GPM6A: variants seen among roughly 807,000 people sequenced by gnomAD.
The protein encoded by GPM6A is glycoprotein M6A.
GPM6A carries 7 observed loss-of-function variants against 32.1 expected under a neutral mutation model. The ratio of observed to expected loss-of-function variants is 0.22; its 90% confidence interval spans 0.12 to 0.41. The LOEUF is 0.41. Ranked by LOEUF, GPM6A falls within the 10% of genes least tolerant of loss-of-function variation. The probability of loss-of-function intolerance (pLI) is 1.00; values close to 1 mark genes in which losing one functional copy is unlikely to be tolerated. For synonymous variants in GPM6A, 130 were observed against 123.4 expected, an observed-to-expected ratio of 1.05 and a Z score of -0.35; for missense variants, 235 against 347.2, an observed-to-expected ratio of 0.68 and a Z score of 2.57.
chr4:175,858,927 T>C (rs535650219), intron 1 of GPM6A, among the ~76,000 whole-genome samples: 49 of 152,300 alleles, frequency 3.2e-4, no homozygotes, highest in African/African-American at 1.1e-3. Flanking sequence ...CACTACAATA[T>C]GATGACTCTT....
chr4:175,961,150 C>G (rs1740149506), intron 1 of GPM6A: 1 of 152,184 alleles, frequency 6.6e-6, no homozygotes, highest in African/African-American at 2.4e-5. Context: ...ATCTGGTTAT[C>G]ACTCATCAGT....
At chr4:175,709,589 G>A (rs552491642) in intron 1 of GPM6A, among the ~76,000 whole-genome samples, 2 of 151,798 alleles carry the variant, frequency 1.3e-5, no homozygotes, top group Non-Finnish European at 2.9e-5. Context: ...TTAGCCGAGC[G>A]TGGTGGCGCT....
At chr4:175,652,584 T>C (rs918342620) in intron 3 of GPM6A, among the ~76,000 whole-genome samples, 5 of 151,896 alleles carry the variant, frequency 3.3e-5, no homozygotes, top group Admixed American at 6.6e-5. Flanking sequence ...CACTTATATA[T>C]GGTAAAATAT....
Position 175,757,981 on chromosome 4 carries a change from T to C in GPM6A, c.37+54210A>G, listed in dbSNP as rs540475675. Among the ~76,000 whole-genome samples, 44 of 152,326 alleles carry C rather than the reference T, an allele frequency of 2.9e-4. No homozygotes were observed. The South Asian group carries it at 8.3e-3, about 29-fold the overall frequency. The stretch of plus-strand genomic sequence containing the variant: ...CAGTGACATAATTGTAAATATGTTA[T>C]GTAACCTAACATTTACAACCAAAGC... On this transcript the variant is annotated intron_variant, in intron 1 of 6. Transcript: ENST00000393658.
chr4:175,923,215 T>TTATATATA (rs201557656), intron 1 of GPM6A, among the ~76,000 whole-genome samples: 6 of 26,706 alleles, frequency 2.2e-4, no homozygotes, highest in African/African-American at 4.5e-4. Context: ...ATAACATGAT[T>TTATATATA]TATATATATA....
intron 3 of GPM6A, among the ~76,000 whole-genome samples, chr4:175,666,135 G>A (rs917742033): frequency 1.3e-5 from 2 of 151,952 alleles, no homozygotes; most frequent in African/African-American, 4.8e-5. Context: ...GGCCAGGCTG[G>A]TCTCGATCTC....
intron 1 of GPM6A, among the ~76,000 whole-genome samples, chr4:175,998,298 C>T (rs1168427851): frequency 6.6e-6 from 1 of 152,018 alleles, no homozygotes; most frequent in Admixed American, 6.6e-5. Flanking sequence ...GGATTACAGG[C>T]GTGTGCCACC....
intron 4 of GPM6A, among the ~76,000 whole-genome samples, chr4:175,645,485 C>A (rs1305838811): frequency 1.3e-5 from 2 of 152,014 alleles, no homozygotes; most frequent in Admixed American, 6.6e-5. Context: ...CTTCGGGAGG[C>A]CAAGGCAGGT....
At chr4:175,708,820 C>T (rs77280512) in intron 1 of GPM6A, among the ~76,000 whole-genome samples, 5,153 of 152,124 alleles carry the variant, frequency 0.034, 239 homozygotes, top group East Asian at 0.25. Context: ...CAAATTTTTG[C>T]TTTCTTGTTT....
intron 1 of GPM6A, among the ~76,000 whole-genome samples, chr4:175,896,436 G>C (rs1737795104): frequency 6.6e-6 from 1 of 152,048 alleles, no homozygotes; most frequent in Non-Finnish European, 1.5e-5. Flanking sequence ...TGTGAGTTCA[G>C]CTATTCCTGA....
intron 2 of GPM6A, among the ~76,000 whole-genome samples, chr4:175,690,836 T>C (rs1744256620): frequency 1.3e-5 from 2 of 152,200 alleles, no homozygotes; most frequent in Admixed American, 1.3e-4. Flanking sequence ...ATTATAATAT[T>C]GAGGGCCATT....
At chr4:175,821,624 A>G (rs551492676) in intron 1 of GPM6A, among the ~76,000 whole-genome samples, 3 of 152,014 alleles carry the variant, frequency 2.0e-5, no homozygotes, top group Non-Finnish European at 4.4e-5. Flanking sequence ...TTTTTTTCAT[A>G]TATTTTAAGA....
chr4:175,645,967 T>C (rs1741442043), intron 4 of GPM6A, among the ~76,000 whole-genome samples: 1 of 152,206 alleles, frequency 6.6e-6, no homozygotes, highest in South Asian at 2.1e-4. Flanking sequence ...GGGTTTTCTT[T>C]ATTTTCAAAG....
chr4:175,827,167 T>C (rs747272731), intron 1 of GPM6A, among the ~76,000 whole-genome samples: 2 of 152,170 alleles, frequency 1.3e-5, no homozygotes, highest in Non-Finnish European at 2.9e-5. Context: ...TTGAATAATA[T>C]AAAATGCTAT....
chr4:175,784,934 G>A (rs1233841357), intron 1 of GPM6A, among the ~76,000 whole-genome samples: 7 of 152,126 alleles, frequency 4.6e-5, no homozygotes, highest in Admixed American at 4.6e-4. Context: ...AAAAGTAATA[G>A]TACCTACATT....
rs371401901 is a variant in GPM6A at position 175,861,593 on chromosome 4, A to C, written c.-22-49344T>G. 1.8e-4 allele frequency among the ~76,000 whole-genome samples: 28 copies of C among 151,950 alleles called. No homozygotes were observed. In the East Asian group the frequency reaches 4.5e-3, roughly 24 times the overall value. On this transcript the variant is annotated intron_variant, in intron 1 of 7. Coordinates refer to the GPM6A transcript ENST00000280187. ...ATGGCAAAACTCCATCTCCACTAAA[A>C]ATACAAAAATTAACTGTACGTGGTG...
At chr4:175,775,170 G>A (rs1733344624) in intron 1 of GPM6A, among the ~76,000 whole-genome samples, 1 of 152,058 alleles carries the variant, frequency 6.6e-6, no homozygotes, top group Admixed American at 6.6e-5. Flanking sequence ...AGGCTATATA[G>A]AAGAAGCATC....
At chr4:175,844,907 A>G (rs1485538843) in intron 1 of GPM6A, among the ~76,000 whole-genome samples, 1 of 152,134 alleles carries the variant, frequency 6.6e-6, no homozygotes, top group Non-Finnish European at 1.5e-5. Flanking sequence ...AGGGATGAAG[A>G]GGGGCGTAGG....
At chr4:175,711,855 T>C (rs1376348092) in intron 1 of GPM6A, among the ~76,000 whole-genome samples, 1 of 152,128 alleles carries the variant, frequency 6.6e-6, no homozygotes, top group Non-Finnish European at 1.5e-5. Context: ...CTCAATGAAT[T>C]CCACTCATCA....
Sources: allele counts gnomAD v4.1 joint callset (sites outside exome capture counted in the v4.1 genomes callset), GRCh38; gene constraint gnomAD v4.1.1; transcripts MANE v1.5; gene names NCBI Gene and HGNC (gene_info 2026-07-23, HGNC 2026-07-21).